The following CNBD1 variants were observed in gnomAD, a reference collection of about 807,000 sequenced individuals.
CNBD1 encodes the protein cyclic nucleotide-binding domain-containing protein 1.
A neutral mutation model predicts 54.4 loss-of-function variants in CNBD1; 71 were observed. The ratio of observed to expected loss-of-function variants is 1.30; its 90% CI spans 1.08 to 1.59. The LOEUF (loss-of-function observed/expected upper bound fraction) is 1.59. Among genes scored for constraint, CNBD1 ranks in the 40% most tolerant of loss-of-function variants. The probability of loss-of-function intolerance (pLI) is 0.00; values close to 1 mark genes in which losing one functional copy is unlikely to be tolerated. For missense variants in CNBD1, 659 were observed against 518.0 expected (o/e 1.27, Z -2.64); for synonymous variants, 182 against 170.7 (o/e 1.07, Z -0.51).
intron 8 of CNBD1, among the ~76,000 whole-genome samples, chr8:87,298,843 T>G (rs1173564848): frequency 6.6e-6 from 1 of 152,134 alleles, no homozygotes; most frequent in African/African-American, 2.4e-5. Context: ...AAATCAGCAT[T>G]TATTGAACAT....
At chr8:87,281,584 A>G (rs1808602596) in intron 6 of CNBD1, among the ~76,000 whole-genome samples, 2 of 58,908 alleles carry the variant, frequency 3.4e-5, no homozygotes, top group African/African-American at 7.3e-5. Flanking sequence ...ATATATATAT[A>G]TATATATATA....
intron 6 of CNBD1, among the ~76,000 whole-genome samples, chr8:87,274,220 G>A (rs990346233): frequency 1.3e-4 from 20 of 150,816 alleles, no homozygotes; most frequent in Non-Finnish European, 2.4e-4. Flanking sequence ...GAATGGTGCC[G>A]CAATAAACAT....
intron 4 of CNBD1, among the ~76,000 whole-genome samples, chr8:86,983,651 C>G (rs897337126): frequency 6.6e-6 from 1 of 152,120 alleles, no homozygotes; most frequent in African/African-American, 2.4e-5. Flanking sequence ...AAAGACAACT[C>G]TTGTTATGTT....
intron 4 of CNBD1, among the ~76,000 whole-genome samples, chr8:86,960,208 A>G (rs1046876043): frequency 1.3e-5 from 2 of 152,186 alleles, no homozygotes; most frequent in Non-Finnish European, 2.9e-5. Context: ...AGGAAGCACA[A>G]GGGGTCAGGG....
intron 4 of CNBD1, among the ~76,000 whole-genome samples, chr8:87,075,766 A>G (rs539346487): frequency 2.6e-5 from 4 of 152,206 alleles, no homozygotes; most frequent in Admixed American, 1.3e-4. Flanking sequence ...TAAAATGTAC[A>G]TGGGTGTTTG....
At chr8:87,008,540 G>A (rs1483820013) in intron 4 of CNBD1, among the ~76,000 whole-genome samples, 1 of 152,166 alleles carries the variant, frequency 6.6e-6, no homozygotes, top group African/African-American at 2.4e-5. Flanking sequence ...ATGCATGTCT[G>A]AATGCTCAGT....
chr8:87,094,377 A>T (rs1051575977), intron 4 of CNBD1, among the ~76,000 whole-genome samples: 1 of 151,380 alleles, frequency 6.6e-6, no homozygotes, highest in African/African-American at 2.4e-5. Context: ...CATGGTTTTT[A>T]AAATTTTTTT....
intron 6 of CNBD1, among the ~76,000 whole-genome samples, chr8:87,254,743 C>T (rs1807978581): frequency 6.6e-6 from 1 of 152,138 alleles, no homozygotes; most frequent in Admixed American, 6.5e-5. Context: ...CACCCAGATC[C>T]CTCCCATCCT....
intron 10 of CNBD1, among the ~76,000 whole-genome samples, chr8:87,366,369 G>A (rs1441422596): frequency 6.6e-6 from 1 of 151,990 alleles, no homozygotes; most frequent in East Asian, 1.9e-4. Flanking sequence ...GTTTTTACCT[G>A]AGGGTCACTC....
intron 8 of CNBD1, among the ~76,000 whole-genome samples, chr8:87,346,012 A>C (rs1260935180): frequency 6.6e-6 from 1 of 152,086 alleles, no homozygotes; most frequent in East Asian, 1.9e-4. Context: ...ATAATATAAA[A>C]AGTCATGTTT....
At chr8:87,201,536 A>T (rs1007398582) in intron 4 of CNBD1, among the ~76,000 whole-genome samples, 2 of 151,930 alleles carry the variant, frequency 1.3e-5, no homozygotes, top group African/African-American at 4.8e-5. Flanking sequence ...GTGTTTCAGG[A>T]TACAAGATCA....
intron 2 of CNBD1, chr8:87,428,512 G>T (rs566497783): frequency 4.2e-5 from 17 of 405,912 alleles, no homozygotes; most frequent in Non-Finnish European, 8.3e-5. Context: ...ATTTTTTTAT[G>T]ATATTCTAAG....
At chr8:87,178,443 C>T (rs984680838) in intron 4 of CNBD1, among the ~76,000 whole-genome samples, 2 of 152,006 alleles carry the variant, frequency 1.3e-5, no homozygotes, top group Non-Finnish European at 1.5e-5. Flanking sequence ...AATCCCAAGT[C>T]GAGAGTTTGC....
chr8:87,369,117 G>A (rs1165434238), intron 10 of CNBD1, among the ~76,000 whole-genome samples: 1 of 151,704 alleles, frequency 6.6e-6, no homozygotes, highest in Non-Finnish European at 1.5e-5. Context: ...ATATATTTTA[G>A]CCATAATTGT....
At chr8:86,878,765 A>G (rs1010395252) in intron 1 of CNBD1, among the ~76,000 whole-genome samples, 3 of 152,148 alleles carry the variant, frequency 2.0e-5, no homozygotes, top group Admixed American at 1.3e-4. Flanking sequence ...TATTTCCTCA[A>G]ACAAGACCAG....
chr8:86,956,261 G>A (rs1439571969), intron 4 of CNBD1, among the ~76,000 whole-genome samples: 1 of 152,132 alleles, frequency 6.6e-6, no homozygotes, highest in Non-Finnish European at 1.5e-5. Context: ...AAGTCAGGTA[G>A]CATGATGCCT....
chr8:86,932,740 A>C (rs932436148), intron 3 of CNBD1, among the ~76,000 whole-genome samples: 1 of 152,016 alleles, frequency 6.6e-6, no homozygotes, highest in African/African-American at 2.4e-5. Flanking sequence ...TGAGGGTCAA[A>C]TTGTTCCCAA....
chr8:86,979,402 C>CAAAAAAAAAAAAA (rs776634552), intron 4 of CNBD1, among the ~76,000 whole-genome samples: 1 of 10,392 alleles, frequency 9.6e-5, no homozygotes, highest in Non-Finnish European at 1.5e-4. Flanking sequence ...ATCATCTCTA[C>CAAAAAAAAAAAAA]AAAAAAAAAA....
At chr8:87,359,014 C>T (rs564662319) in intron 10 of CNBD1, among the ~76,000 whole-genome samples, 58 of 152,126 alleles carry the variant, frequency 3.8e-4, no homozygotes, top group Non-Finnish European at 7.1e-4. Flanking sequence ...GCTAATCTCT[C>T]TAAAAAACAC....
Sources: gnomAD v4.1 joint callset for allele counts (sites outside exome capture counted in the v4.1 genomes callset) on GRCh38, gnomAD v4.1.1 for gene constraint, MANE v1.5 for transcripts, NCBI Gene and HGNC (gene_info 2026-07-23, HGNC 2026-07-21) for gene names.